The following JHY variants were observed in gnomAD, a reference collection of about 807,000 sequenced individuals.
The protein encoded by JHY is jhy protein homolog.
Under a neutral mutation model 78.0 loss-of-function variants are expected in JHY, and 69 were observed. The observed-to-expected ratio is 0.88, with a 90% CI of 0.73 to 1.08. JHY has a LOEUF of 1.08. Among genes scored for constraint, JHY ranks in the 50% least tolerant of loss-of-function variants. The probability of loss-of-function intolerance (pLI) is 0.00; values close to 1 mark genes in which losing one functional copy is unlikely to be tolerated. For missense variants in JHY, 944 were observed against 927.8 expected, an observed-to-expected ratio of 1.02 and a Z score of -0.23; for synonymous variants, 368 against 342.6, an observed-to-expected ratio of 1.07 and a Z score of -0.82.
intron 2 of JHY, among the ~76,000 whole-genome samples, chr11:122,891,172 T>C (rs1396506054): frequency 6.6e-6 from 1 of 152,204 alleles, no homozygotes; most frequent in Non-Finnish European, 1.5e-5. Context: ...AAAACAAAAC[T>C]GTCAAAGCTT....
At chr11:122,906,302 C>T (rs1348336289) in intron 3 of JHY, among the ~76,000 whole-genome samples, 1 of 152,184 alleles carries the variant, frequency 6.6e-6, no homozygotes, top group Non-Finnish European at 1.5e-5. Flanking sequence ...ATCCTCCTGC[C>T]TCAGCCTCGG....
chr11:122,948,308 T>G (rs1164463903), intron 6 of JHY, among the ~76,000 whole-genome samples: 1 of 151,976 alleles, frequency 6.6e-6, no homozygotes, highest in African/African-American at 2.4e-5. Context: ...CCGGGCATGG[T>G]GGCAGGTGCC....
At chr11:122,958,320 GT>G (rs1864235558) in intron 8 of JHY, among the ~76,000 whole-genome samples, 1 of 152,154 alleles carries the variant, frequency 6.6e-6, no homozygotes, top group Admixed American at 6.5e-5. Flanking sequence ...TGTACTTCAT[GT>G]TCTCTTTCAC....
At chr11:122,958,043 TA>T (rs2135385969) in intron 8 of JHY, among the ~76,000 whole-genome samples, 1 of 152,308 alleles carries the variant, frequency 6.6e-6, no homozygotes, top group Non-Finnish European at 1.5e-5. Context: ...AGAAAAGACA[TA>T]TAAACACTGT....
intron 3 of JHY, among the ~76,000 whole-genome samples, chr11:122,923,181 G>A (rs1179403509): frequency 6.6e-6 from 1 of 152,192 alleles, no homozygotes; most frequent in Non-Finnish European, 1.5e-5. Flanking sequence ...GAGTTAGTCT[G>A]TTCTGTGTTA....
chr11:122,957,419 G>A lies in JHY; in HGVS notation c.2067G>A (p.Met689Ile), dbSNP rs1864215389. ...CAAAACAAGTCAAGGAGTACAACAT[G>A]AAGACACTATCCATTCTATCAAAAC... The part of the protein sequence containing the change: ...EYAKQVKEYN[M>I]KTLSILSKPQ... The change falls in exon 8 of 9, where the codon ATG (methionine) becomes ATA (isoleucine). Residue 689 changes from methionine to isoleucine, a missense_variant. Physicochemically the swap from Met to Ile is conservative, Grantham distance 10 (BLOSUM62 1). Transcript: ENST00000227349. The A allele has an allele frequency of 2.6e-6, 4 of 1,536,684 alleles. No homozygotes were observed. Among genetic ancestry groups the A allele is most frequent in the Non-Finnish European group, 3.5e-6 (4 of 1,153,664 alleles).
chr11:122,923,883 ATTTTTTTT>A (rs760512913), intron 3 of JHY, among the ~76,000 whole-genome samples: 71 of 100,510 alleles, frequency 7.1e-4, no homozygotes, highest in African/African-American at 2.8e-3. Flanking sequence ...CGCCTGGCTA[ATTTTTTTT>A]TTTTTTTTTT....
At position 122,957,245 on chromosome 11, in the gene JHY, T is replaced by C. The variant is rs553769503; in HGVS notation, c.2011-118T>C. The C allele has an allele frequency of 9.6e-6, 11 of 1,140,050 alleles. No individual in the cohort carries two copies. In the African/African-American group the frequency reaches 1.6e-4, roughly 17 times the overall value. 70.6% of individuals were successfully genotyped at this position (1,140,050 alleles called of 1,614,324 possible). A position where few individuals can be genotyped will look rare whatever the true frequency, so the allele number is the denominator to read the frequency against. ...GCCACCTTACTCAAGGTGATCCCAT[T>C]GCTCCTGTACAGCTGATAAGATACG... On this transcript the variant is annotated intron_variant, in intron 7 of 8. Transcript: ENST00000227349.
At chr11:122,945,533 T>C (rs1339698332) in intron 5 of JHY, among the ~76,000 whole-genome samples, 20 of 152,208 alleles carry the variant, frequency 1.3e-4, no homozygotes, top group Admixed American at 1.2e-3. Context: ...GACTCTCATA[T>C]TTGGTAGATT....
Position 122,959,642 on chromosome 11 carries a change from T to G in JHY, c.*197T>G. On this transcript the variant is annotated 3_prime_UTR_variant, in exon 9 of 9. Coordinates refer to ENST00000227349, the MANE Select transcript of JHY (RefSeq NM_024806.4). ...CATATTTTACTTTCTAGGAAGAAAA[T>G]TTTTTAAATTATTTATTTTCAAATC... is the stretch of plus-strand genomic sequence containing the variant. The G allele has an allele frequency of 7.3e-6, 4 of 549,128 alleles. No homozygotes were observed. Among genetic ancestry groups the G allele is most frequent in the South Asian group, 2.6e-5 (1 of 38,618 alleles). The allele number at this position is 549,128 out of a possible 1,614,324, so 34.0% of individuals were successfully genotyped here.
At chr11:122,937,168 T>A (rs1327635826) in intron 5 of JHY, among the ~76,000 whole-genome samples, 2 of 152,106 alleles carry the variant, frequency 1.3e-5, no homozygotes, top group Non-Finnish European at 2.9e-5. Context: ...GTCATAAAGC[T>A]TTTTGTAGTA....
At chr11:122,905,513 CA>C (rs1240879693) in intron 3 of JHY, 1 of 1,145,364 alleles carries the variant, frequency 8.7e-7, no homozygotes, top group Non-Finnish European at 1.1e-6. Flanking sequence ...TCTAATGGAA[CA>C]AAATAGATGA....
At chr11:122,939,354 C>T (rs1004443004) in intron 5 of JHY, among the ~76,000 whole-genome samples, 5 of 152,194 alleles carry the variant, frequency 3.3e-5, no homozygotes, top group South Asian at 2.1e-4. Flanking sequence ...CTTTCACCAC[C>T]GCCACTCCCA....
chr11:122,897,338 C>T (rs1336182013), intron 2 of JHY, among the ~76,000 whole-genome samples: 3 of 152,084 alleles, frequency 2.0e-5, no homozygotes, highest in Non-Finnish European at 4.4e-5. Context: ...ATCCTCCTGC[C>T]CCAGCCTCCT....
intron 2 of JHY, among the ~76,000 whole-genome samples, chr11:122,891,027 G>A (rs1862604564): frequency 6.6e-6 from 1 of 152,072 alleles, no homozygotes; most frequent in African/African-American, 2.4e-5. Flanking sequence ...GCCTCTCCTA[G>A]GCACACTCTT....
chr11:122,929,140 T>G (rs1029092771), intron 4 of JHY, among the ~76,000 whole-genome samples: 2 of 151,334 alleles, frequency 1.3e-5, no homozygotes, highest in Non-Finnish European at 1.5e-5. Context: ...TTGGTCAGGC[T>G]GGCCTCGAAC....
intron 3 of JHY, among the ~76,000 whole-genome samples, chr11:122,919,727 C>G (rs1007348557): frequency 3.3e-5 from 5 of 152,082 alleles, no homozygotes; most frequent in Non-Finnish European, 7.4e-5. Context: ...GCCTGTAATC[C>G]CAGCACTTTG....
chr11:122,916,185 T>C (rs1863230816), intron 3 of JHY, among the ~76,000 whole-genome samples: 1 of 152,046 alleles, frequency 6.6e-6, no homozygotes, highest in Non-Finnish European at 1.5e-5. Context: ...CAGAGAGCAT[T>C]TGAGATGTTC....
At position 122,883,882 on chromosome 11, in the gene JHY, ATTATT is replaced by A. The variant is rs1214325868; in HGVS notation, c.-90+914_-90+918del. On this transcript the variant is annotated intron_variant, in intron 1 of 8. Transcript: ENST00000227349. This position sits in a 1 kb window ranked among gnomAD's most constrained non-coding sequence, Gnocchi z 4.4. The stretch of plus-strand genomic sequence containing the variant: ...TAAGAAGAGAAGTTCAAGGGACTGA[ATTATT>A]TTAAGAGTAATTCTAAGTTGCACTA... 2.0e-5 allele frequency among the ~76,000 whole-genome samples: 3 copies of A among 152,220 alleles called. No individual in the cohort carries two copies. Among genetic ancestry groups the A allele is most frequent in the Non-Finnish European group, 4.4e-5 (3 of 68,028 alleles).
Sources: gnomAD v4.1 joint callset for allele counts (sites outside exome capture counted in the v4.1 genomes callset) on GRCh38, gnomAD v4.1.1 for gene constraint, Gnocchi (gnomAD v3.1) non-coding constraint, MANE v1.5 for transcripts, NCBI Gene and HGNC (gene_info 2026-07-23, HGNC 2026-07-21) for gene names.